TUT4: variants seen among roughly 807,000 people sequenced by gnomAD.
TUT4 encodes the protein terminal uridylyltransferase 4.
TUT4 carries 36 observed loss-of-function variants against 192.2 expected under a neutral mutation model. The observed-to-expected ratio is 0.19, with a 90% CI of 0.14 to 0.25. The LOEUF (loss-of-function observed/expected upper bound fraction) is 0.25, where lower values mean the gene tolerates loss of function less well. Among genes scored for constraint, TUT4 ranks in the 10% least tolerant of loss-of-function variants. TUT4 has a pLI of 1.00. For synonymous variants in TUT4, 618 were observed against 666.0 expected (o/e 0.93, Z 1.11); for missense variants, 1,493 against 1,957.2 (o/e 0.76, Z 4.47).
intron 15 of TUT4, 48 bp downstream of exon 15, chr1:52,468,130 GACT>G: frequency 1.5e-6 from 2 of 1,316,342 alleles, no homozygotes; most frequent in South Asian, 2.5e-5. Context: ...TGAAACTCAA[GACT>G]ACATGACTAC....
intron 28 of TUT4, among the ~76,000 whole-genome samples, chr1:52,428,304 G>C (rs950816540): frequency 6.6e-6 from 1 of 151,784 alleles, no homozygotes; most frequent in East Asian, 1.9e-4. Context: ...TGGCCAACAT[G>C]GTGAATGAAA....
Position 52,515,951 on chromosome 1 carries a change from C to A in TUT4, c.822G>T (p.Arg274Ser), listed in dbSNP as rs1332094356. 6.2e-7 allele frequency: 1 copy of A among 1,613,566 alleles called. No individual in the cohort carries two copies. Among genetic ancestry groups the A allele is most frequent in the African/African-American group, 1.3e-5 (1 of 74,842 alleles). The change falls in exon 3 of 30, where the codon AGG becomes AGT. Residue 274 changes from arginine (R) to serine (S), a missense_variant. Arg to Ser is a moderately radical substitution (Grantham distance 110). Transcript: ENST00000257177. ...GTTCTTCTGCTTGTTTCAACCCCAG[C>A]CTCTGCTCAGGTGTCAATGCAGATT... is the stretch of plus-strand genomic sequence containing the variant. ...IDESALTPEQRLGLKQAEERL... is the reference protein window; with the variant it reads ...IDESALTPEQSLGLKQAEERL...
intron 19 of TUT4, 146 bp from the exon 20 acceptor site, chr1:52,458,595 A>C (rs1030347718): frequency 1.9e-5 from 10 of 523,128 alleles, no homozygotes; most frequent in African/African-American, 1.6e-4. Context: ...TAATCCCAAC[A>C]CTCTGGGAGG....
intron 2 of TUT4, among the ~76,000 whole-genome samples, chr1:52,522,186 G>A (rs1300183424): frequency 6.6e-6 from 1 of 152,084 alleles, no homozygotes; most frequent in African/African-American, 2.4e-5. Context: ...AACATGAGAA[G>A]CACTTACTTA....
At chr1:52,433,508 TGAAAG>T (rs1188577917) in intron 27 of TUT4, 4 of 152,082 alleles carry the variant, frequency 2.6e-5, no homozygotes, top group East Asian at 3.8e-4. Flanking sequence ...TCCTGGGGGT[TGAAAG>T]GAAAGATTAA....
intron 27 of TUT4, 106 bp downstream of exon 27, chr1:52,435,259 G>A: frequency 1.2e-6 from 1 of 845,012 alleles, no homozygotes; most frequent in Non-Finnish European, 1.9e-6. Flanking sequence ...AAAGCACTGT[G>A]TAATCTGGAA....
chr1:52,551,678 TCGCG>T (rs1242551484), intron 1 of TUT4, among the ~76,000 whole-genome samples: 1 of 148,436 alleles, frequency 6.7e-6, no homozygotes, highest in East Asian at 1.9e-4. Context: ...TTCAGCGCGC[TCGCG>T]CGCGCACACA....
chr1:52,441,282 CTTTT>C (rs201555130), intron 24 of TUT4, among the ~76,000 whole-genome samples: 5 of 118,220 alleles, frequency 4.2e-5, no homozygotes, highest in African/African-American at 6.2e-5. Flanking sequence ...GGGCATATGG[CTTTT>C]TTTTTTTTTT....
intron 28 of TUT4, among the ~76,000 whole-genome samples, chr1:52,428,965 T>C (rs1651001699): frequency 6.6e-6 from 1 of 152,036 alleles, no homozygotes; most frequent in Admixed American, 6.6e-5. Context: ...TTTTAATGGC[T>C]AGGAATCCGA....
intron 20 of TUT4, 98 bp downstream of exon 20, chr1:52,458,238 G>GA (rs1661517818): frequency 5.4e-6 from 4 of 746,698 alleles, no homozygotes; most frequent in Non-Finnish European, 8.4e-6. Flanking sequence ...AACCATGATG[G>GA]AAAAATCCTT....
At chr1:52,445,901 C>G (rs778091417) in intron 23 of TUT4, 32 bp from the exon 24 acceptor site, 2 of 1,599,170 alleles carry the variant, frequency 1.3e-6, no homozygotes, top group Non-Finnish European at 1.7e-6. Context: ...AATAAAGATG[C>G]AGACATTAAT....
At chr1:52,434,002 GATAC>G (rs1652945186) in intron 27 of TUT4, 1 of 152,164 alleles carries the variant, frequency 6.6e-6, no homozygotes, top group East Asian at 1.9e-4. Flanking sequence ...GCCTGGTAAT[GATAC>G]ATAGAGATTT....
At chr1:52,424,393 GGTTT>G (rs1434795832) in intron 29 of TUT4, 1 of 174,134 alleles carries the variant, frequency 5.7e-6, no homozygotes, top group East Asian at 1.6e-4. Flanking sequence ...GTATATGGGT[GGTTT>G]AAGAAGGCTT....
chr1:52,506,479 C>A (rs1675603059), intron 4 of TUT4, among the ~76,000 whole-genome samples: 1 of 152,144 alleles, frequency 6.6e-6, no homozygotes, highest in Non-Finnish European at 1.5e-5. Flanking sequence ...ATCCAGAGCT[C>A]ATTAACTTTT....
chr1:52,438,126 C>T (rs566841299), intron 25 of TUT4, 94 bp downstream of exon 25: 1 of 989,156 alleles, frequency 1.0e-6, no homozygotes, highest in African/African-American at 1.6e-5. Flanking sequence ...ATACCCTAAA[C>T]TTTCTCAGTT....
In TUT4 at chr1:52,431,462, T is replaced by G. The variant is rs761025332; in HGVS notation, c.4264-2A>C. The G allele has an allele frequency of 1.3e-6, 2 of 1,519,164 alleles. No individual in the cohort carries two copies. Among genetic ancestry groups the G allele is most frequent in the South Asian group, 2.6e-5 (2 of 75,646 alleles). The allele number at this position is 1,519,164 out of a possible 1,614,324, so 94.1% of individuals were successfully genotyped here. On this transcript the variant is annotated splice_acceptor_variant, in intron 27 of 29. Transcript: ENST00000257177. LOFTEE classifies it high-confidence loss of function. ...AGGAGAATAAGATGGTGATTCAGAC[T>G]GCAGACAAAAAAAAAATTTTTTTTA...
intron 24 of TUT4, among the ~76,000 whole-genome samples, chr1:52,442,261 G>A (rs1318186783): frequency 6.6e-6 from 1 of 151,774 alleles, no homozygotes; most frequent in Non-Finnish European, 1.5e-5. Flanking sequence ...CTGATGGATA[G>A]GGACAAAATG....
intron 28 of TUT4, among the ~76,000 whole-genome samples, chr1:52,428,964 C>T (rs529076414): frequency 7.3e-5 from 11 of 151,502 alleles, no homozygotes; most frequent in African/African-American, 2.4e-4. Context: ...TTTTTAATGG[C>T]TAGGAATCCG....
rs1356747857 is a variant in TUT4 at position 52,436,854 on chromosome 1, G to A, written c.4063C>T (p.Pro1355Ser). Reference protein sequence around the residue: ...DLHDTRDFRDPRDLRCFICGD... With the variant: ...DLHDTRDFRDSRDLRCFICGD... ...CATATAAAACATCTGAGGTCTCTCG[G>A]GTCTCTAAAGTCTCGAGTATCGTGG... The change falls in exon 26 of 30, where the codon CCG (proline) becomes TCG (serine). Residue 1355 changes from proline (P) to serine (S), a missense_variant. By Grantham distance (74) the Pro-to-Ser change is moderately conservative. This residue lies in a region of TUT4 where 351 missense variants were observed against 397.8 expected (regional missense o/e 0.88). Coordinates refer to ENST00000257177, the MANE Select transcript of TUT4 (RefSeq NM_001009881.3). 4 of 1,613,556 alleles carry A rather than the reference G, an allele frequency of 2.5e-6. No homozygotes were observed. Among genetic ancestry groups the A allele is most frequent in the Non-Finnish European group, 3.4e-6 (4 of 1,179,954 alleles).
Sources: allele counts gnomAD v4.1 joint callset (sites outside exome capture counted in the v4.1 genomes callset), GRCh38; gene constraint gnomAD v4.1.1; regional missense constraint gnomAD v4.1.1; transcripts MANE v1.5; gene names NCBI Gene and HGNC (gene_info 2026-07-23, HGNC 2026-07-21).